Variants in PARP9 observed in about 807,000 individuals in gnomAD.
The protein encoded by PARP9 is poly(ADP-ribose) polymerase family member 9.
A neutral mutation model predicts 68.8 loss-of-function variants in PARP9; 48 were observed. The observed-to-expected ratio is 0.70, with a 90% CI of 0.55 to 0.89. The LOEUF is 0.89. Ranked by LOEUF, PARP9 falls within the 40% of genes least tolerant of loss-of-function variation. PARP9 has a pLI of 0.00. For missense variants in PARP9, 806 were observed against 969.3 expected (o/e 0.83, Z 2.24); for synonymous variants, 309 against 333.8 (o/e 0.93, Z 0.81).
At chr3:122,542,380 T>A (rs1375411007) in intron 7 of PARP9, among the ~76,000 whole-genome samples, 1 of 149,706 alleles carries the variant, frequency 6.7e-6, no homozygotes, top group Non-Finnish European at 1.5e-5. Context: ...TGAGTCAGCA[T>A]GCCTGGCCAA....
chr3:122,545,333 A>T, intron 7 of PARP9, 99 bp downstream of exon 7: 1 of 1,261,990 alleles, frequency 7.9e-7, no homozygotes, highest in African/African-American at 1.5e-5. Context: ...CCTTTGGCTT[A>T]TTTATTCTTC....
rs2079563578 is a variant in PARP9, at chr3:122,555,520, T to C, written c.651A>G (p.Thr217=). ...CCCGGATAGTCTCTACAATAGTCTT[T>C]GTACACAAATTCAGAGGGAACTGAA... ...GIFQFPLNLC[T]KTIVETIRVS... is the part of the protein sequence containing the mutation. Residue 217 remains threonine (T), a synonymous_variant, in exon 4 of 11, where the codon ACA becomes ACG. Transcript: ENST00000682323. 1 of 1,614,228 alleles carries C rather than the reference T, an allele frequency of 6.2e-7. No homozygotes were observed. Among genetic ancestry groups the C allele is most frequent in the Non-Finnish European group, 8.5e-7 (1 of 1,180,034 alleles).
chr3:122,539,567 C>CTTTCTTTCTTTT (rs1347024453), intron 8 of PARP9, among the ~76,000 whole-genome samples: 3 of 86,908 alleles, frequency 3.5e-5, no homozygotes, highest in African/African-American at 8.9e-5. Flanking sequence ...TTCTTTCTTT[C>CTTTCTTTCTTTT]TTTTTTTTTT....
rs185959071 is a variant in PARP9, at chr3:122,549,294, G to A, written c.1326+1290C>T. Among the ~76,000 whole-genome samples the A allele has an allele frequency of 2.6e-3, 395 of 152,290 alleles. 1 individual carries two copies. The highest frequency in any genetic ancestry group is 8.8e-3 in the African/African-American group (364 of 41,554). On this transcript the variant is annotated intron_variant, in intron 6 of 10. Transcript: ENST00000682323. ...GCCTCCCAAAGTGCTGGGATTACAG[G>A]CGTGAGCCACCTCACCCACCTGTAT...
intron 7 of PARP9, among the ~76,000 whole-genome samples, chr3:122,544,297 T>G (rs1045440649): frequency 1.3e-5 from 2 of 152,232 alleles, no homozygotes; most frequent in African/African-American, 4.8e-5. Context: ...CTGGGGAGTT[T>G]GTCTATCTTC....
At position 122,541,969 on chromosome 3, in the gene PARP9, G is replaced by A. The variant is rs374048852; in HGVS notation, c.1385-1117C>T. ...TAAGGACAGACCTAGAAGTAAGATG[G>A]GGAGGATGGCCTTCCTCTGAGTAAA... On this transcript the variant is annotated intron_variant, in intron 7 of 10. Coordinates refer to ENST00000682323, the MANE Select transcript of PARP9 (RefSeq NM_001146105.2). Among the ~76,000 whole-genome samples the A allele has an allele frequency of 1.2e-3, 177 of 152,264 alleles. 2 individuals carry two copies. The South Asian group carries it at 0.035, about 30-fold the overall frequency.
intron 4 of PARP9, among the ~76,000 whole-genome samples, chr3:122,553,464 A>G (rs917129297): frequency 2.0e-5 from 3 of 152,218 alleles, no homozygotes; most frequent in African/African-American, 7.2e-5. Flanking sequence ...AGAATTTGCA[A>G]TTTGGGGGCA....
intron 7 of PARP9, among the ~76,000 whole-genome samples, chr3:122,541,439 A>C: frequency 6.6e-6 from 1 of 152,154 alleles, no homozygotes; most frequent in Non-Finnish European, 1.5e-5. Flanking sequence ...AGATGAGTTC[A>C]CCTTGTGATC....
intron 10 of PARP9, chr3:122,534,933 C>G (rs745508841): frequency 3.2e-4 from 311 of 981,430 alleles, no homozygotes; most frequent in Non-Finnish European, 3.7e-4. Context: ...GATGATGAGT[C>G]TGGCTAAGAC....
chr3:122,533,653 A>C, intron 10 of PARP9: 3 of 977,510 alleles, frequency 3.1e-6, no homozygotes, highest in Non-Finnish European at 3.6e-6. Context: ...GGCCTGATTC[A>C]TAGAATGTGC....
chr3:122,528,957 T>C (rs1476651081), intron 10 of PARP9, among the ~76,000 whole-genome samples: 1 of 151,992 alleles, frequency 6.6e-6, no homozygotes, highest in Non-Finnish European at 1.5e-5. Flanking sequence ...CATTCAAATA[T>C]ACCATTAGGG....
At chr3:122,547,140 G>A (rs2078818195) in intron 6 of PARP9, among the ~76,000 whole-genome samples, 1 of 140,170 alleles carries the variant, frequency 7.1e-6, no homozygotes, top group Non-Finnish European at 1.5e-5. Context: ...GATGGCCCTG[G>A]CTGGCGTGCA....
chr3:122,541,677 C>G (rs2078240616), intron 7 of PARP9, among the ~76,000 whole-genome samples: 1 of 152,088 alleles, frequency 6.6e-6, no homozygotes, highest in Non-Finnish European at 1.5e-5. Flanking sequence ...CCTGTAATTC[C>G]ACTACTCAGG....
chr3:122,540,929 C>T, intron 7 of PARP9, 77 bp from the exon 8 acceptor site: 3 of 1,461,888 alleles, frequency 2.1e-6, no homozygotes, highest in Non-Finnish European at 2.7e-6. Context: ...CTCGCTCTGT[C>T]TCACAAGCTG....
rs776928668 is a variant in PARP9, at chr3:122,528,620, A to G, written c.2204T>C (p.Phe735Ser). The G allele has an allele frequency of 4.3e-6, 7 of 1,614,072 alleles. No individual in the cohort carries two copies. Among genetic ancestry groups the G allele is most frequent in the Non-Finnish European group, 5.1e-6 (6 of 1,180,040 alleles). Reference protein sequence around the residue: ...YVFEAEVLTGFFCQGHPLNIV... With the variant: ...YVFEAEVLTGSFCQGHPLNIV... Reference sequence around the variant, plus strand: ...ATTTAACGGATGTCCCTGGCAGAAGAAGCCTGTGAGTACTTCAGCCTCAAA... The same window carrying G: ...ATTTAACGGATGTCCCTGGCAGAAGGAGCCTGTGAGTACTTCAGCCTCAAA... Residue 735 changes from phenylalanine (F) to serine (S), a missense_variant, in exon 11 of 11, where the codon TTC becomes TCC. Transcript: ENST00000682323.
At chr3:122,543,840 A>C (rs1263176131) in intron 7 of PARP9, among the ~76,000 whole-genome samples, 1 of 151,922 alleles carries the variant, frequency 6.6e-6, no homozygotes, top group Middle Eastern at 3.2e-3. Context: ...CGAACTCCTG[A>C]CCTCAAGTGA....
chr3:122,535,240 G>T (rs1159658483), intron 10 of PARP9: 4 of 985,280 alleles, frequency 4.1e-6, no homozygotes, highest in Non-Finnish European at 4.8e-6. Context: ...GCCCCAAAAG[G>T]CTTCTTGGTA....
At position 122,534,461 on chromosome 3, in the gene PARP9, A is replaced by G. The variant is rs555042429; in HGVS notation, c.2080+1707T>C. ...AGCATGTAGATAAGTGGTGTGAGCC[A>G]GTGGCTGTTGTGTGTTTTGCTTCTC... On this transcript the variant is annotated intron_variant, in intron 10 of 10. Coordinates refer to ENST00000682323, the MANE Select transcript of PARP9 (RefSeq NM_001146105.2). 2.4e-5 allele frequency: 24 copies of G among 983,768 alleles called. No homozygotes were observed. The East Asian group carries it at 2.5e-3, about 102-fold the overall frequency. 60.9% of individuals were successfully genotyped at this position (983,768 alleles called of 1,614,324 possible).
At chr3:122,553,626 T>G (rs1267150950) in intron 4 of PARP9, among the ~76,000 whole-genome samples, 1 of 152,366 alleles carries the variant, frequency 6.6e-6, no homozygotes, top group South Asian at 2.1e-4. Context: ...TTTCATTTCA[T>G]GAACTCCCCT....
Sources: gnomAD v4.1 joint callset for allele counts (sites outside exome capture counted in the v4.1 genomes callset) on GRCh38, gnomAD v4.1.1 for gene constraint, MANE v1.5 for transcripts, NCBI Gene and HGNC (gene_info 2026-07-23, HGNC 2026-07-21) for gene names.